Variants in PREPL observed in about 807,000 individuals in gnomAD.
PREPL encodes prolyl endopeptidase like.
PREPL carries 77 observed loss-of-function variants against 70.6 expected under a neutral mutation model. The ratio of observed to expected loss-of-function variants is 1.09; its 90% CI spans 0.91 to 1.32. The LOEUF is 1.32. PREPL is among the 40% of genes most tolerant of loss of function. The pLI is 0.00. For synonymous variants in PREPL, 315 were observed against 264.8 expected, an observed-to-expected ratio of 1.19 and a Z score of -1.84; for missense variants, 1,002 against 778.2, an observed-to-expected ratio of 1.29 and a Z score of -3.42.
chr2:44,324,630 C>G (rs1265163958), intron 10 of PREPL, among the ~76,000 whole-genome samples: 2 of 152,070 alleles, frequency 1.3e-5, no homozygotes, highest in African/African-American at 2.4e-5. Context: ...GTAATCCCAG[C>G]ACATTGGGAG....
At chr2:44,329,309 T>C (rs2103791371) in intron 8 of PREPL, among the ~76,000 whole-genome samples, 197 bp from the exon 9 acceptor site, 1 of 152,332 alleles carries the variant, frequency 6.6e-6, no homozygotes, top group Middle Eastern at 3.4e-3. Context: ...CTTGCTGTCC[T>C]ACAGTATTAA....
chr2:44,361,855 C>T (rs1443990537), upstream of PREPL: 2 of 1,311,224 alleles, frequency 1.5e-6, no homozygotes, highest in Non-Finnish European at 1.9e-6. Context: ...GATGCGAGTA[C>T]CGGAAATGCG....
At chr2:44,343,461 GATA>G (rs1353180749) in intron 4 of PREPL, among the ~76,000 whole-genome samples, 4 of 152,184 alleles carry the variant, frequency 2.6e-5, no homozygotes, top group Admixed American at 6.6e-5. Flanking sequence ...ATTTATTCTA[GATA>G]ATAATTTGGC....
intron 8 of PREPL, among the ~76,000 whole-genome samples, chr2:44,332,048 G>A (rs925529656): frequency 2.7e-5 from 4 of 149,216 alleles, no homozygotes; most frequent in Non-Finnish European, 4.4e-5. Flanking sequence ...CTGGGTTCAC[G>A]CCATTCTCCT....
intron 5 of PREPL, among the ~76,000 whole-genome samples, chr2:44,340,003 ATATTT>A (rs1300908528): frequency 6.6e-6 from 1 of 152,008 alleles, no homozygotes; most frequent in Non-Finnish European, 1.5e-5. Flanking sequence ...CTTCTAAGTT[ATATTT>A]ATATTTCATG....
At chr2:44,334,580 C>T (rs185505000) in intron 7 of PREPL, among the ~76,000 whole-genome samples, 2 of 152,300 alleles carry the variant, frequency 1.3e-5, no homozygotes, top group East Asian at 3.9e-4. Context: ...GAGTCTTGCT[C>T]TTGCACCCAG....
At chr2:44,322,887 T>C in intron 11 of PREPL, 33 bp from the exon 12 acceptor site, 2 of 1,606,420 alleles carry the variant, frequency 1.2e-6, no homozygotes, top group Non-Finnish European at 1.7e-6. Flanking sequence ...AGAGTTTACA[T>C]TATTTCTTAT....
intron 7 of PREPL, among the ~76,000 whole-genome samples, chr2:44,333,072 A>C (rs1217982198): frequency 6.6e-6 from 1 of 152,198 alleles, no homozygotes; most frequent in Non-Finnish European, 1.5e-5. Flanking sequence ...TGTGTTTTTC[A>C]TAATTTACCC....
In PREPL at chr2:44,322,090, G is replaced by A. The variant is rs2241869; in HGVS notation, c.1754-190C>T. 0.69 allele frequency among the ~76,000 whole-genome samples: 104,548 copies of A among 151,938 alleles called. 36,788 individuals are homozygous for A. Among genetic ancestry groups the A allele is most frequent in the African/African-American group, 0.8 (33,038 of 41,438 alleles). Reference sequence around the variant, plus strand: ...ACAGAAGACAAACTTCTGACACAGCGAAAGCAGGAAGAGGCCGTATGGAAA... The same window carrying A: ...ACAGAAGACAAACTTCTGACACAGCAAAAGCAGGAAGAGGCCGTATGGAAA... On this transcript the variant is annotated intron_variant, in intron 12 of 13. Transcript: ENST00000409411.
intron 1 of PREPL, among the ~76,000 whole-genome samples, chr2:44,354,558 T>C (rs1676804804): frequency 6.6e-6 from 1 of 151,260 alleles, no homozygotes; most frequent in African/African-American, 2.5e-5. Flanking sequence ...TAGTGAGTTA[T>C]ATTTATCCTT....
rs1294388482 is a variant in PREPL at position 44,320,658 on chromosome 2, G to T, written c.*698C>A. ...GTGTTAGGCACCTTTATGAAGAGAT[G>T]AAGACACTGGCATTTCAGTGGGATT... On this transcript the variant is annotated 3_prime_UTR_variant, in exon 14 of 14. Coordinates refer to ENST00000409411, the MANE Select transcript of PREPL (RefSeq NM_001171613.2). The T allele has an allele frequency of 6.3e-7, 1 of 1,584,492 alleles. No homozygotes were observed. Among genetic ancestry groups the T allele is most frequent in the Admixed American group, 1.7e-5 (1 of 59,974 alleles).
chr2:44,332,498 T>C lies in PREPL; in HGVS notation c.1047A>G (p.Thr349=), dbSNP rs1421926721. The C allele has an allele frequency of 6.2e-7, 1 of 1,613,986 alleles. No homozygotes were observed. The highest frequency in any genetic ancestry group is 1.3e-5 in the African/African-American group (1 of 74,926). Reference sequence around the variant, plus strand: ...CTAGACGTAAAACGCGACTAGTCTTTGTGATTGGGTCTTCATGCCCAGTTT... The same window carrying C: ...CTAGACGTAAAACGCGACTAGTCTTCGTGATTGGGTCTTCATGCCCAGTTT... ...FEETGHEDPI[T]KTSRVLRLEA... Residue 349 remains threonine (T), a synonymous_variant, in exon 8 of 14, where the codon ACA becomes ACG. Coordinates refer to ENST00000409411, the MANE Select transcript of PREPL (RefSeq NM_001171613.2).
At chr2:44,345,309 C>G (rs1251837541) in intron 2 of PREPL, among the ~76,000 whole-genome samples, 1 of 151,978 alleles carries the variant, frequency 6.6e-6, no homozygotes, top group African/African-American at 2.4e-5. Context: ...TGATTTTCAC[C>G]TATTGCGGTT....
intron 1 of PREPL, among the ~76,000 whole-genome samples, chr2:44,355,030 ACT>A (rs1191978746): frequency 1.3e-5 from 2 of 152,142 alleles, no homozygotes; most frequent in Non-Finnish European, 2.9e-5. Flanking sequence ...GGGGAACAAC[ACT>A]CTAATCAAAT....
At chr2:44,352,488 C>T (rs899484092) in intron 1 of PREPL, among the ~76,000 whole-genome samples, 13 of 152,182 alleles carry the variant, frequency 8.5e-5, no homozygotes, top group African/African-American at 2.4e-4. Flanking sequence ...TCTTGAACTT[C>T]TGGGCTCAAG....
Position 44,318,941 on chromosome 2 carries a change from G to C in PREPL, c.*2415C>G, listed in dbSNP as rs1169663563. 1 of 152,044 alleles carries C rather than the reference G, an allele frequency of 6.6e-6. No individual in the cohort carries two copies. Among genetic ancestry groups the C allele is most frequent in the Non-Finnish European group, 1.5e-5 (1 of 67,994 alleles). 9.4% of individuals were successfully genotyped at this position (152,044 alleles called of 1,614,324 possible). A position where few individuals can be genotyped will look rare whatever the true frequency, so the allele number is the denominator to read the frequency against. On this transcript the variant is annotated 3_prime_UTR_variant, in exon 14 of 14. Coordinates refer to ENST00000409411, the MANE Select transcript of PREPL (RefSeq NM_001171613.2). ...CAAAATCAACAAATCTGCAATTACAGAAAAAGACTTCAACATACTTTTAGA... is the reference window on the plus strand; with the variant it reads ...CAAAATCAACAAATCTGCAATTACACAAAAAGACTTCAACATACTTTTAGA...
intron 10 of PREPL, among the ~76,000 whole-genome samples, chr2:44,323,639 T>A (rs564184878): frequency 6.6e-6 from 1 of 152,322 alleles, no homozygotes; most frequent in East Asian, 1.9e-4. Flanking sequence ...ATGGTTTATC[T>A]TCTAATTTCA....
At chr2:44,345,729 T>C (rs1293025108) in intron 2 of PREPL, among the ~76,000 whole-genome samples, 1 of 152,218 alleles carries the variant, frequency 6.6e-6, no homozygotes, top group Non-Finnish European at 1.5e-5. Context: ...CATGGTATTA[T>C]ACTACTTAAA....
intron 7 of PREPL, among the ~76,000 whole-genome samples, chr2:44,334,502 G>A (rs1176417054): frequency 6.6e-6 from 1 of 152,020 alleles, no homozygotes; most frequent in Non-Finnish European, 1.5e-5. Flanking sequence ...CCAAGGATAC[G>A]AGGCAAATAT....
Sources: gnomAD v4.1 joint callset for allele counts (sites outside exome capture counted in the v4.1 genomes callset) on GRCh38, gnomAD v4.1.1 for gene constraint, MANE v1.5 for transcripts, NCBI Gene and HGNC (gene_info 2026-07-23, HGNC 2026-07-21) for gene names.